CENPC: variants seen among roughly 807,000 people sequenced by gnomAD.
CENPC encodes centromere protein C, also known as CENP-C 1.
Under a neutral mutation model 112.1 loss-of-function variants are expected in CENPC, and 63 were observed. That is an observed-to-expected ratio of 0.56 (90% CI 0.46 to 0.69). CENPC has a LOEUF of 0.69. CENPC is among the 30% of genes least tolerant of loss of function. CENPC has a pLI of 0.00. For missense variants in CENPC, 1,000 were observed against 1,103.8 expected, an observed-to-expected ratio of 0.91 and a Z score of 1.33; for synonymous variants, 333 against 367.6, an observed-to-expected ratio of 0.91 and a Z score of 1.08.
At chr4:67,494,733 G>A (rs935897157) in intron 13 of CENPC, among the ~76,000 whole-genome samples, 25 of 152,124 alleles carry the variant, frequency 1.6e-4, no homozygotes, top group African/African-American at 5.8e-4. Flanking sequence ...ATCTTTACAT[G>A]GGCCTCTCCA....
Position 67,512,439 on chromosome 4 carries a change from C to A in CENPC, c.1575G>T (p.Arg525Ser). 1 of 1,600,686 alleles carries A rather than the reference C, an allele frequency of 6.2e-7. No individual in the cohort carries two copies. Among genetic ancestry groups the A allele is most frequent in the African/African-American group, 1.3e-5 (1 of 74,664 alleles). ...STVTKSRRIS[R>S]RPSDWWVVKS... ...TTACCACCCACCAATCAGATGGACG[C>A]CTGGAAATTCTTCGACTTTTCGTGA... The change falls in exon 9 of 19, where the codon AGG becomes AGT. Residue 525 changes from arginine to serine, a missense_variant. By Grantham distance (110) the Arg-to-Ser change is moderately radical. Transcript: ENST00000273853.
chr4:67,509,665 T>C (rs933991714), intron 9 of CENPC, among the ~76,000 whole-genome samples: 6 of 152,088 alleles, frequency 3.9e-5, no homozygotes, highest in African/African-American at 1.4e-4. Context: ...CTAAATCCCA[T>C]CAATTCTACT....
chr4:67,507,238 A>G (rs1351640254), intron 10 of CENPC, among the ~76,000 whole-genome samples: 1 of 149,962 alleles, frequency 6.7e-6, no homozygotes, highest in Non-Finnish European at 1.5e-5. Flanking sequence ...CAGTTAATCT[A>G]TCATGGTTTA....
intron 17 of CENPC, among the ~76,000 whole-genome samples, chr4:67,488,006 T>C (rs1725137941): frequency 6.6e-6 from 1 of 151,800 alleles, no homozygotes; most frequent in East Asian, 1.9e-4. Flanking sequence ...TAATTTTCAT[T>C]TATTTTCATT....
At chr4:67,532,746 G>A (rs1236937479) in intron 4 of CENPC, among the ~76,000 whole-genome samples, 1 of 151,922 alleles carries the variant, frequency 6.6e-6, no homozygotes, top group Non-Finnish European at 1.5e-5. Flanking sequence ...AGGGCCTGCT[G>A]GGGGGTAGGG....
intron 12 of CENPC, 23 bp downstream of exon 12, chr4:67,505,182 A>C: frequency 6.7e-7 from 1 of 1,500,062 alleles, no homozygotes; most frequent in Non-Finnish European, 9.1e-7. Context: ...AAAAATCAAG[A>C]CAGAAAAAAA....
At chr4:67,511,204 T>C (rs575512081) in intron 9 of CENPC, among the ~76,000 whole-genome samples, 1 of 152,276 alleles carries the variant, frequency 6.6e-6, no homozygotes, top group Non-Finnish European at 1.5e-5. Context: ...AGTGATACTT[T>C]GAACTCAGAT....
chr4:67,515,625 C>A (rs1726038498), intron 7 of CENPC, among the ~76,000 whole-genome samples: 1 of 151,838 alleles, frequency 6.6e-6, no homozygotes, highest in East Asian at 1.9e-4. Context: ...AAATTGTAGA[C>A]CTACAGAACT....
chr4:67,510,889 A>G (rs1356212499), intron 9 of CENPC: 8 of 415,172 alleles, frequency 1.9e-5, no homozygotes, highest in Admixed American at 1.9e-4. Flanking sequence ...AAAATCCAAC[A>G]TCTATTTCAG....
At chr4:67,478,927 A>T (rs181120686) in intron 17 of CENPC, among the ~76,000 whole-genome samples, 1 of 152,228 alleles carries the variant, frequency 6.6e-6, no homozygotes, top group African/African-American at 2.4e-5. Flanking sequence ...AGCTATTCTT[A>T]TATCAGACAA....
At chr4:67,480,391 A>G (rs1037116725) in intron 17 of CENPC, among the ~76,000 whole-genome samples, 1 of 152,250 alleles carries the variant, frequency 6.6e-6, no homozygotes, top group Non-Finnish European at 1.5e-5. Flanking sequence ...TCTATCAGAC[A>G]TTCAATTTAT....
At chr4:67,481,838 C>G (rs553820753) in intron 17 of CENPC, among the ~76,000 whole-genome samples, 163 of 152,274 alleles carry the variant, frequency 1.1e-3, no homozygotes, top group African/African-American at 3.7e-3. Context: ...CAGACATTGG[C>G]TTAGGCAAAG....
chr4:67,537,700 G>A (rs1726767070), intron 4 of CENPC, among the ~76,000 whole-genome samples: 1 of 152,160 alleles, frequency 6.6e-6, no homozygotes, highest in South Asian at 2.1e-4. Flanking sequence ...GACTGAGGCA[G>A]GAGAATCATT....
intron 2 of CENPC, among the ~76,000 whole-genome samples, chr4:67,542,004 A>G (rs1726902038): frequency 6.6e-6 from 1 of 152,202 alleles, no homozygotes. Context: ...AATAAATCCA[A>G]GTTGAATGTA....
chr4:67,514,524 T>C lies in CENPC; in HGVS notation c.994A>G (p.Ile332Val), dbSNP rs778071014. The change falls in exon 8 of 19, where the codon ATA becomes GTA. Residue 332 changes from isoleucine to valine, a missense_variant. Transcript: ENST00000273853. ...AGTGCAGTGCTCTCAGCCGGGGATA[T>C]TGTGCGTTGTTTCAGAGACCCTGCC... Reference protein sequence around the residue: ...RKAGSLKQRTISPAESTALLQ... With the variant: ...RKAGSLKQRTVSPAESTALLQ... 34 of 1,612,886 alleles carry C rather than the reference T, an allele frequency of 2.1e-5. No homozygotes were observed. The highest frequency in any genetic ancestry group is 4.5e-5 in the East Asian group (2 of 44,776).
rs1179223680 is a variant in CENPC, at chr4:67,470,042, A to T, written c.*2563T>A. ...AATGCAAGTAAGAAACAATATTTTA[A>T]ATTAATTTTAAATAGCTACAACTTG... On this transcript the variant is annotated 3_prime_UTR_variant, in exon 19 of 19. Coordinates refer to ENST00000273853, the MANE Select transcript of CENPC (RefSeq NM_001812.4). 1 of 152,222 alleles carries T rather than the reference A, an allele frequency of 6.6e-6. No homozygotes were observed. The highest frequency in any genetic ancestry group is 1.5e-5 in the Non-Finnish European group (1 of 68,042). The allele number at this position is 152,222 out of a possible 1,614,324, so 9.4% of individuals were successfully genotyped here.
chr4:67,508,669 T>C, intron 10 of CENPC, 145 bp downstream of exon 10: 1 of 699,744 alleles, frequency 1.4e-6, no homozygotes, highest in Non-Finnish European at 2.3e-6. Flanking sequence ...ATCCAGCTAA[T>C]GGTAGAGGCT....
intron 1 of CENPC, among the ~76,000 whole-genome samples, chr4:67,544,701 GCCC>G (rs1242475121): frequency 3.9e-5 from 6 of 152,042 alleles, no homozygotes; most frequent in Admixed American, 2.0e-4. Context: ...ATGAGTTGTC[GCCC>G]CCATTAGTCA....
At chr4:67,537,028 A>T (rs75930380) in intron 4 of CENPC, among the ~76,000 whole-genome samples, 2 of 133,066 alleles carry the variant, frequency 1.5e-5, no homozygotes, top group African/African-American at 2.7e-5. Context: ...ACCTCTAATT[A>T]AAAAAAAAAA....
Sources: allele counts gnomAD v4.1 joint callset (sites outside exome capture counted in the v4.1 genomes callset), GRCh38; gene constraint gnomAD v4.1.1; transcripts MANE v1.5; gene names NCBI Gene and HGNC (gene_info 2026-07-23, HGNC 2026-07-21).